CASQ1: variants seen among roughly 807,000 people sequenced by gnomAD.
The protein encoded by CASQ1 is calsequestrin 1.
CASQ1 carries 40 observed loss-of-function variants against 49.5 expected under a neutral mutation model. The ratio of observed to expected loss-of-function variants is 0.81; its 90% CI spans 0.63 to 1.05. CASQ1 has a LOEUF of 1.05. CASQ1 is among the 50% of genes least tolerant of loss of function. CASQ1 has a pLI of 0.00. For synonymous variants in CASQ1, 174 were observed against 187.2 expected (o/e 0.93, Z 0.58); for missense variants, 469 against 486.9 (o/e 0.96, Z 0.35).
At chr1:160,199,225 G>A (rs1350788034) in intron 9 of CASQ1, among the ~76,000 whole-genome samples, 172 bp downstream of exon 9, 1 of 152,162 alleles carries the variant, frequency 6.6e-6, no homozygotes, top group Admixed American at 6.5e-5. Context: ...GGCATCCTGA[G>A]CAAGGGGAAA....
rs111485344 is a variant in CASQ1 at position 160,194,867 on chromosome 1, C to A, written c.466-145C>A. On this transcript the variant is annotated intron_variant, in intron 3 of 10. Coordinates refer to ENST00000368078, the MANE Select transcript of CASQ1 (RefSeq NM_001231.5). The stretch of plus-strand genomic sequence containing the variant: ...ACACATCACACACTATACACACACA[C>A]GCACATGCAATCCCCCACACACACA... 6.7e-4 allele frequency: 393 copies of A among 587,376 alleles called. 2 individuals carry two copies. Among genetic ancestry groups the A allele is most frequent in the African/African-American group, 6.3e-3 (335 of 53,442 alleles). 36.4% of individuals were successfully genotyped at this position (587,376 alleles called of 1,614,324 possible).
chr1:160,192,958 C>A, intron 2 of CASQ1, 72 bp downstream of exon 2: 1 of 1,218,240 alleles, frequency 8.2e-7, no homozygotes, highest in Non-Finnish European at 1.2e-6. Context: ...GAGGACCTGT[C>A]AGGCAGTCCT....
At chr1:160,196,768 G>A (rs988781934) in intron 6 of CASQ1, among the ~76,000 whole-genome samples, 4 of 152,142 alleles carry the variant, frequency 2.6e-5, no homozygotes, top group South Asian at 2.1e-4. Flanking sequence ...GAGCCACTGC[G>A]CCTGGCCCCA....
At position 160,192,952 on chromosome 1, in the gene CASQ1, A is replaced by G. The variant is rs1046320101; in HGVS notation, c.364+66A>G. On this transcript the variant is annotated intron_variant, in intron 2 of 10. Transcript: ENST00000368078. ...GACAAGGGGAGGCTTAGGGCGGAGG[A>G]CCTGTCAGGCAGTCCTTGGGATCCG... 2.7e-5 allele frequency: 36 copies of G among 1,312,702 alleles called. No individual in the cohort carries two copies. The East Asian group carries it at 8.3e-4, about 30-fold the overall frequency. 81.3% of individuals were successfully genotyped at this position (1,312,702 alleles called of 1,614,324 possible).
chr1:160,193,331 T>C (rs1032710472), intron 2 of CASQ1, among the ~76,000 whole-genome samples: 5 of 152,012 alleles, frequency 3.3e-5, no homozygotes, highest in Non-Finnish European at 5.9e-5. Flanking sequence ...TCAGTAATAA[T>C]GAAGTCATCT....
chr1:160,194,241 C>A (rs1297533660), intron 3 of CASQ1, among the ~76,000 whole-genome samples: 1 of 149,140 alleles, frequency 6.7e-6, no homozygotes, highest in African/African-American at 2.5e-5. Flanking sequence ...ACCACATGCA[C>A]ATACACAACA....
At chr1:160,199,760 C>G in intron 9 of CASQ1, 91 bp from the exon 10 acceptor site, 1 of 870,664 alleles carries the variant, frequency 1.1e-6, no homozygotes, top group Non-Finnish European at 1.9e-6. Context: ...ACTGTCCCCT[C>G]TCCATCCCTG....
intron 6 of CASQ1, among the ~76,000 whole-genome samples, chr1:160,197,348 C>A (rs1654266895): frequency 6.6e-6 from 1 of 152,230 alleles, no homozygotes; most frequent in Admixed American, 6.5e-5. Flanking sequence ...CCCCCAGTCT[C>A]TCTTCCAGTC....
At chr1:160,197,673 G>C (rs1032982988) in intron 7 of CASQ1, 59 bp downstream of exon 7, 58 of 1,243,618 alleles carry the variant, frequency 4.7e-5, no homozygotes, top group Non-Finnish European at 6.6e-5. Flanking sequence ...GAAGACTCAA[G>C]TCCTAGAAAA....
At chr1:160,194,375 A>G (rs1050059107) in intron 3 of CASQ1, among the ~76,000 whole-genome samples, 9 of 150,526 alleles carry the variant, frequency 6.0e-5, no homozygotes, top group Non-Finnish European at 1.0e-4. Context: ...ACACATGCAC[A>G]CAATAGGCCA....
chr1:160,198,373 G>A (rs571728402), intron 7 of CASQ1: 100 of 237,376 alleles, frequency 4.2e-4, no homozygotes, highest in South Asian at 9.4e-4. Context: ...GTGTGGTGGC[G>A]CATGGCTGTA....
chr1:160,198,531 A>C (rs890051586), intron 7 of CASQ1, 146 bp from the exon 8 acceptor site: 1 of 620,442 alleles, frequency 1.6e-6, no homozygotes, highest in Non-Finnish European at 2.9e-6. Flanking sequence ...AACCCCAAAA[A>C]ACGAAAGAAT....
chr1:160,197,509 C>T (rs1654269870), intron 6 of CASQ1, 60 bp from the exon 7 acceptor site: 29 of 1,235,774 alleles, frequency 2.3e-5, no homozygotes, highest in Admixed American at 1.0e-4. Flanking sequence ...GCTACAGGAC[C>T]CTCTGGAGGG....
chr1:160,193,537 A>G (rs1654129151), intron 2 of CASQ1, among the ~76,000 whole-genome samples: 1 of 152,088 alleles, frequency 6.6e-6, no homozygotes, highest in Non-Finnish European at 1.5e-5. Flanking sequence ...GGGCCACGCT[A>G]GCCCCCTAGG....
In CASQ1 at chr1:160,195,005, C is replaced by G; in HGVS notation, c.466-7C>G. ...AACTCTCTTCCTGCAATGTCCTCCT[C>G]TTTCAGGTCCTAGAGGACCCTGTGG... On this transcript the variant is annotated splice_polypyrimidine_tract_variant and splice_region_variant and intron_variant, in intron 3 of 10. Coordinates refer to ENST00000368078, the MANE Select transcript of CASQ1 (RefSeq NM_001231.5). 6.4e-7 allele frequency: 1 copy of G among 1,568,288 alleles called. No homozygotes were observed. The highest frequency in any genetic ancestry group is 2.2e-5 in the East Asian group (1 of 44,630).
Position 160,190,828 on chromosome 1 carries a change from G to A in CASQ1, c.77G>A (p.Gly26Glu). The A allele has an allele frequency of 6.2e-7, 1 of 1,614,150 alleles. No homozygotes were observed. The highest frequency in any genetic ancestry group is 8.5e-7 in the Non-Finnish European group (1 of 1,180,010). The change falls in exon 1 of 11, where the codon GGG (glycine) becomes GAG (glutamate). Residue 26 changes from glycine (G) to glutamate (E), a missense_variant. Coordinates refer to ENST00000368078, the MANE Select transcript of CASQ1 (RefSeq NM_001231.5). ...GCACTGCTGTTGCTGCTGGTGCTAG[G>A]GACACCCAAGTCAGGGGTACAGGGG... Reference protein sequence around the residue: ...RLALLLLLVLGTPKSGVQGQE... With the variant: ...RLALLLLLVLETPKSGVQGQE...
rs1173743407 is a variant in CASQ1, at chr1:160,192,817, C to T, written c.295C>T (p.Leu99=). Residue 99 remains leucine, a synonymous_variant, in exon 2 of 11, where the codon CTA becomes TTA. Transcript: ENST00000368078. ...ELILELAAQV[L]EDKGVGFGLV... ...TTCCCTCCAGTTAGCAGCCCAAGTC[C>T]TAGAAGACAAGGGTGTTGGCTTCGG... 2.5e-6 allele frequency: 4 copies of T among 1,613,888 alleles called. No individual in the cohort carries two copies. Among genetic ancestry groups the T allele is most frequent in the Non-Finnish European group, 3.4e-6 (4 of 1,179,870 alleles).
At chr1:160,201,107 C>A in intron 10 of CASQ1, 138 bp from the exon 11 acceptor site, 1 of 883,708 alleles carries the variant, frequency 1.1e-6, no homozygotes, top group Non-Finnish European at 1.8e-6. Context: ...TTCACCTGGA[C>A]AGTTTCCCTG....
At chr1:160,200,329 CA>C (rs1305001857) in intron 10 of CASQ1, among the ~76,000 whole-genome samples, 1 of 152,150 alleles carries the variant, frequency 6.6e-6, no homozygotes, top group Non-Finnish European at 1.5e-5. Context: ...GTAGGTGCTT[CA>C]AAACTGCTAA....
Sources: gnomAD v4.1 joint callset for allele counts (sites outside exome capture counted in the v4.1 genomes callset) on GRCh38, gnomAD v4.1.1 for gene constraint, MANE v1.5 for transcripts, NCBI Gene and HGNC (gene_info 2026-07-23, HGNC 2026-07-21) for gene names.